ULK4: variants seen among roughly 807,000 people sequenced by gnomAD.
ULK4 encodes the protein unc-51 like kinase 4.
Under a neutral mutation model 160.6 loss-of-function variants are expected in ULK4, and 133 were observed. The ratio of observed to expected loss-of-function variants is 0.83; its 90% CI spans 0.72 to 0.96. ULK4 has a LOEUF of 0.96. Among genes scored for constraint, ULK4 ranks in the 40% least tolerant of loss-of-function variants. The pLI is 0.00. For synonymous variants in ULK4, 534 were observed against 539.8 expected, an observed-to-expected ratio of 0.99 and a Z score of 0.15; for missense variants, 1,580 against 1,499.5, an observed-to-expected ratio of 1.05 and a Z score of -0.89.
intron 31 of ULK4, among the ~76,000 whole-genome samples, chr3:41,589,670 A>C (rs2031129630): frequency 6.6e-6 from 1 of 152,166 alleles, no homozygotes; most frequent in Non-Finnish European, 1.5e-5. Flanking sequence ...AAAAGCTTTA[A>C]AGCAAACCCC....
chr3:41,509,866 A>C (rs948258883), intron 32 of ULK4, among the ~76,000 whole-genome samples: 19 of 152,182 alleles, frequency 1.2e-4, no homozygotes, highest in African/African-American at 4.3e-4. Flanking sequence ...CCAAAATAGA[A>C]CCTTTTTAAT....
At chr3:41,832,169 G>A (rs2041613111) in intron 18 of ULK4, among the ~76,000 whole-genome samples, 1 of 152,174 alleles carries the variant, frequency 6.6e-6, no homozygotes, top group Non-Finnish European at 1.5e-5. Flanking sequence ...CAGTCCAAAA[G>A]CATTCTTATT....
intron 35 of ULK4, among the ~76,000 whole-genome samples, chr3:41,265,745 C>T (rs1170210630): frequency 6.6e-6 from 1 of 152,176 alleles, no homozygotes; most frequent in Non-Finnish European, 1.5e-5. Flanking sequence ...TAAGGCAGGG[C>T]CACAGCTTTG....
intron 35 of ULK4, chr3:41,278,096 T>G (rs1270167871): frequency 6.6e-6 from 1 of 152,242 alleles, no homozygotes; most frequent in Non-Finnish European, 1.5e-5. Flanking sequence ...GCCCAAACAC[T>G]GCACTTTTCC....
chr3:41,912,339 A>G (rs981792472), intron 9 of ULK4, among the ~76,000 whole-genome samples: 3 of 151,930 alleles, frequency 2.0e-5, no homozygotes, highest in Non-Finnish European at 2.9e-5. Context: ...AAAAAAAAAA[A>G]AAAAAAAAAA....
At position 41,565,971 on chromosome 3, in the gene ULK4, T is replaced by A; in HGVS notation, c.3226+54A>T. Reference sequence around the variant, plus strand: ...CTTCTAGACTCCACGCTATATAAGATGAAGAAATGAATAGGCAAAACTTGA... The same window carrying A: ...CTTCTAGACTCCACGCTATATAAGAAGAAGAAATGAATAGGCAAAACTTGA... On this transcript the variant is annotated intron_variant, in intron 32 of 36. Coordinates refer to ENST00000301831, the MANE Select transcript of ULK4 (RefSeq NM_017886.4). 11 of 1,391,786 alleles carry A rather than the reference T, an allele frequency of 7.9e-6. No individual in the cohort carries two copies. In the South Asian group the frequency reaches 1.3e-4, roughly 17 times the overall value. The allele number at this position is 1,391,786 out of a possible 1,614,324, so 86.2% of individuals were successfully genotyped here. A position where few individuals can be genotyped will look rare whatever the true frequency, so the allele number is the denominator to read the frequency against.
At chr3:41,489,894 G>C (rs1443228070) in intron 32 of ULK4, among the ~76,000 whole-genome samples, 1 of 152,024 alleles carries the variant, frequency 6.6e-6, no homozygotes, top group Non-Finnish European at 1.5e-5. Flanking sequence ...TCTCACATAG[G>C]AATCTTTTTC....
In ULK4 at chr3:41,896,528, A is replaced by G. The variant is rs1363562587; in HGVS notation, c.1530+294T>C. On this transcript the variant is annotated intron_variant, in intron 15 of 36. Coordinates refer to ENST00000301831, the MANE Select transcript of ULK4 (RefSeq NM_017886.4). ...CTTGGCCTCCCAAAGTGCTGGGATT[A>G]CAGGCATGAGCCACTACGCCCAGCC... 2.6e-5 allele frequency among the ~76,000 whole-genome samples: 4 copies of G among 152,188 alleles called. No individual in the cohort carries two copies. The East Asian group carries it at 5.8e-4, about 22-fold the overall frequency.
chr3:41,845,958 T>C (rs2042060027), intron 17 of ULK4, among the ~76,000 whole-genome samples: 1 of 152,204 alleles, frequency 6.6e-6, no homozygotes, highest in African/African-American at 2.4e-5. Context: ...CATTTTATAA[T>C]CCACTAGTAT....
intron 3 of ULK4, chr3:41,937,327 A>G (rs747315051): frequency 4.3e-6 from 3 of 695,146 alleles, no homozygotes; most frequent in Admixed American, 2.0e-5. Flanking sequence ...GAAGTAATCA[A>G]CCATAATCCT....
At chr3:41,743,283 T>A (rs2038301815) in intron 22 of ULK4, among the ~76,000 whole-genome samples, 1 of 150,872 alleles carries the variant, frequency 6.6e-6, no homozygotes, top group Admixed American at 6.6e-5. Flanking sequence ...AACCATGATA[T>A]GAAACCATAG....
intron 17 of ULK4, among the ~76,000 whole-genome samples, chr3:41,862,781 C>CTT (rs141121411): frequency 0.077 from 10,813 of 140,670 alleles, 1,224 homozygotes; most frequent in African/African-American, 0.29. Flanking sequence ...CTCTCTCTCT[C>CTT]TCTCCGCTCC....
intron 6 of ULK4, among the ~76,000 whole-genome samples, chr3:41,919,308 C>G (rs1463206639): frequency 6.6e-6 from 1 of 152,112 alleles, no homozygotes; most frequent in Non-Finnish European, 1.5e-5. Context: ...TTTATAAGGT[C>G]ACAGTTTTTT....
chr3:41,395,869 T>A (rs553858921), intron 35 of ULK4, among the ~76,000 whole-genome samples: 2 of 152,260 alleles, frequency 1.3e-5, no homozygotes, highest in South Asian at 4.1e-4. Flanking sequence ...TAAAAATCAC[T>A]TGGATTCAAC....
chr3:41,845,202 T>G (rs1575816878), intron 17 of ULK4, among the ~76,000 whole-genome samples: 1 of 152,130 alleles, frequency 6.6e-6, no homozygotes, highest in East Asian at 1.9e-4. Context: ...CCTGACCTCG[T>G]GATCCACCCG....
At chr3:41,249,935 G>A (rs1477688275) in intron 35 of ULK4, among the ~76,000 whole-genome samples, 1 of 152,190 alleles carries the variant, frequency 6.6e-6, no homozygotes, top group Non-Finnish European at 1.5e-5. Context: ...GGACTCAAGA[G>A]GCCTGGCTAG....
At chr3:41,803,720 G>C (rs1475108246) in intron 19 of ULK4, among the ~76,000 whole-genome samples, 2 of 152,028 alleles carry the variant, frequency 1.3e-5, no homozygotes, top group East Asian at 3.9e-4. Flanking sequence ...CCACCTATGA[G>C]TGAGAACATG....
intron 4 of ULK4, among the ~76,000 whole-genome samples, 197 bp downstream of exon 4, chr3:41,935,604 G>T (rs1166444448): frequency 6.6e-6 from 1 of 151,514 alleles, no homozygotes; most frequent in Non-Finnish European, 1.5e-5. Flanking sequence ...CAAGTGATCC[G>T]CCCGCCTCAG....
At chr3:41,737,803 G>T (rs2038107579) in intron 22 of ULK4, among the ~76,000 whole-genome samples, 1 of 151,908 alleles carries the variant, frequency 6.6e-6, no homozygotes, top group Non-Finnish European at 1.5e-5. Context: ...ATGATGGCCG[G>T]ATGATAAATA....
Sources: gnomAD v4.1 joint callset for allele counts (sites outside exome capture counted in the v4.1 genomes callset) on GRCh38, gnomAD v4.1.1 for gene constraint, MANE v1.5 for transcripts, NCBI Gene and HGNC (gene_info 2026-07-23, HGNC 2026-07-21) for gene names.